JHY: variants seen among roughly 807,000 people sequenced by gnomAD.
JHY encodes jhy protein homolog.
Under a neutral mutation model 78.0 loss-of-function variants are expected in JHY, and 69 were observed. The ratio of observed to expected loss-of-function variants is 0.88; its 90% CI spans 0.73 to 1.08. The LOEUF (loss-of-function observed/expected upper bound fraction) is 1.08, where lower values mean the gene tolerates loss of function less well. Ranked by LOEUF, JHY falls within the 50% of genes least tolerant of loss-of-function variation. The pLI is 0.00. For missense variants in JHY, 944 were observed against 927.8 expected (o/e 1.02, Z -0.23); for synonymous variants, 368 against 342.6 (o/e 1.07, Z -0.82).
chr11:122,959,506 G>A lies in JHY; in HGVS notation c.*61G>A, dbSNP rs7107502. ...AGGAATGAACGTGGAGAAAAGAAAC[G>A]CCAACCACCTTCTCTGCGTTGAGAG... On this transcript the variant is annotated 3_prime_UTR_variant, in exon 9 of 9. Coordinates refer to ENST00000227349, the MANE Select transcript of JHY (RefSeq NM_024806.4). 808,513 of 1,479,990 alleles carry A rather than the reference G, an allele frequency of 0.55. 224,561 individuals carry two copies. Among genetic ancestry groups the A allele is most frequent in the Non-Finnish European group, 0.57 (614,880 of 1,070,466 alleles). The allele number at this position is 1,479,990 out of a possible 1,614,324, so 91.7% of individuals were successfully genotyped here.
rs7937092 is a variant in JHY, at chr11:122,960,908, A to G, written c.*1463A>G. 230,154 of 684,942 alleles carry G rather than the reference A, an allele frequency of 0.34. 43,313 individuals are homozygous for G. The highest frequency in any genetic ancestry group is 0.4 in the Non-Finnish European group (141,544 of 353,524). 42.4% of individuals were successfully genotyped at this position (684,942 alleles called of 1,614,324 possible). A position where few individuals can be genotyped will look rare whatever the true frequency, so the allele number is the denominator to read the frequency against. ...AATGACTGCATAGAGTGTATAAGGA[A>G]GTAAAGAATCGCCTGGACTATCATA... On this transcript the variant is annotated 3_prime_UTR_variant, in exon 9 of 9. Coordinates refer to ENST00000227349, the MANE Select transcript of JHY (RefSeq NM_024806.4).
chr11:122,929,220 C>T (rs575157835), intron 4 of JHY, among the ~76,000 whole-genome samples: 281 of 150,966 alleles, frequency 1.9e-3, no homozygotes, highest in Middle Eastern at 3.4e-3. Flanking sequence ...AGCCACCACG[C>T]CTGGCCAAGG....
In JHY at chr11:122,924,793, C is replaced by T. The variant is rs555474760; in HGVS notation, c.865-104C>T. On this transcript the variant is annotated intron_variant, in intron 3 of 8. Transcript: ENST00000227349. ...TCCTTGAAATTAACTGAAAATAAAA[C>T]CTAGCCCAGCAGGACCGTTTTCTAG... The T allele has an allele frequency of 3.8e-6, 3 of 789,796 alleles. No individual in the cohort carries two copies. In the South Asian group the frequency reaches 5.3e-5, roughly 14 times the overall value. The allele number at this position is 789,796 out of a possible 1,614,324, so 48.9% of individuals were successfully genotyped here. A position where few individuals can be genotyped will look rare whatever the true frequency, so the allele number is the denominator to read the frequency against.
chr11:122,955,942 C>T (rs1864181327), intron 6 of JHY, among the ~76,000 whole-genome samples: 1 of 152,140 alleles, frequency 6.6e-6, no homozygotes, highest in Admixed American at 6.5e-5. Flanking sequence ...GCCCAGTAAA[C>T]TGTCTAAGAC....
At chr11:122,951,617 C>A (rs1864084568) in intron 6 of JHY, among the ~76,000 whole-genome samples, 1 of 152,206 alleles carries the variant, frequency 6.6e-6, no homozygotes, top group South Asian at 2.1e-4. Flanking sequence ...AGGGTACCAC[C>A]TTTCAGAGTT....
chr11:122,909,505 T>C (rs1565315368), intron 3 of JHY, among the ~76,000 whole-genome samples: 1 of 152,136 alleles, frequency 6.6e-6, no homozygotes, highest in East Asian at 1.9e-4. Flanking sequence ...GAAGATTAAA[T>C]AAATGAGTTA....
At chr11:122,887,837 G>A (rs188313560) in intron 2 of JHY, among the ~76,000 whole-genome samples, 1 of 152,140 alleles carries the variant, frequency 6.6e-6, no homozygotes. Context: ...TTATAAGGGG[G>A]CCTTAAAAAT....
chr11:122,902,713 G>A (rs1397470729), intron 2 of JHY, among the ~76,000 whole-genome samples: 1 of 152,056 alleles, frequency 6.6e-6, no homozygotes, highest in Non-Finnish European at 1.5e-5. Context: ...AGAGGGTGGG[G>A]AGCTGCTATG....
intron 2 of JHY, among the ~76,000 whole-genome samples, chr11:122,887,183 A>G (rs1005164181): frequency 1.3e-4 from 20 of 152,344 alleles, no homozygotes; most frequent in Admixed American, 3.3e-4. Flanking sequence ...GCCAAGTCCA[A>G]TTATATTTCT....
chr11:122,912,865 G>A (rs188159563), intron 3 of JHY, among the ~76,000 whole-genome samples: 8 of 151,996 alleles, frequency 5.3e-5, no homozygotes, highest in Non-Finnish European at 7.4e-5. Context: ...TTTCTGCTTC[G>A]GAGGGCTATT....
chr11:122,910,425 G>A (rs1057023678), intron 3 of JHY, among the ~76,000 whole-genome samples: 4 of 151,816 alleles, frequency 2.6e-5, no homozygotes, highest in South Asian at 2.1e-4. Context: ...AGCCAAGATC[G>A]CACCACTGCA....
In JHY at chr11:122,960,109, C is replaced by T. The variant is rs1247383474; in HGVS notation, c.*664C>T. Among the ~76,000 whole-genome samples, 1 of 152,018 alleles carries T rather than the reference C, an allele frequency of 6.6e-6. No individual in the cohort carries two copies. The highest frequency in any genetic ancestry group is 6.6e-5 in the Admixed American group (1 of 15,238). Reference sequence around the variant, plus strand: ...ATTAGCTAGGCGTGGTGGCGCATGTCTATAGTTCCAGGTACTCAGGAGGCT... The same window carrying T: ...ATTAGCTAGGCGTGGTGGCGCATGTTTATAGTTCCAGGTACTCAGGAGGCT... On this transcript the variant is annotated 3_prime_UTR_variant, in exon 9 of 9. Coordinates refer to ENST00000227349, the MANE Select transcript of JHY (RefSeq NM_024806.4).
At position 122,961,085 on chromosome 11, in the gene JHY, G is replaced by A. The variant is rs1306563851; in HGVS notation, c.*1640G>A. 9 of 1,015,172 alleles carry A rather than the reference G, an allele frequency of 8.9e-6. No individual in the cohort carries two copies. In the East Asian group the frequency reaches 1.8e-4, roughly 20 times the overall value. The allele number at this position is 1,015,172 out of a possible 1,614,324, so 62.9% of individuals were successfully genotyped here. A position where few individuals can be genotyped will look rare whatever the true frequency, so the allele number is the denominator to read the frequency against. ...AGAAGACTCATGCACAGCCAGTTAT[G>A]TAAATGTATCTATCCCAATTGAGAG... On this transcript the variant is annotated 3_prime_UTR_variant, in exon 9 of 9. Coordinates refer to ENST00000227349, the MANE Select transcript of JHY (RefSeq NM_024806.4).
rs768190302 is a variant in JHY at position 122,904,288 on chromosome 11, C to A, written c.708C>A (p.Asn236Lys). 2.6e-5 allele frequency: 42 copies of A among 1,614,122 alleles called. 1 individual carries two copies. The South Asian group carries it at 3.7e-4, about 14-fold the overall frequency. ...SPYVKSSSSH[N>K]EVFLPGSRGP... ...ACGTGAAGAGCTCAAGTTCACATAACGAGGTTTTCCTGCCGGGATCACGTG... is the reference window on the plus strand; with the variant it reads ...ACGTGAAGAGCTCAAGTTCACATAAAGAGGTTTTCCTGCCGGGATCACGTG... The change falls in exon 3 of 9, where the codon AAC (asparagine) becomes AAA (lysine). Residue 236 changes from asparagine to lysine, a missense_variant. Asn to Lys is a moderately conservative substitution (Grantham distance 94). Coordinates refer to ENST00000227349, the MANE Select transcript of JHY (RefSeq NM_024806.4).
chr11:122,890,781 A>G (rs1226479059), intron 2 of JHY, among the ~76,000 whole-genome samples: 4 of 152,164 alleles, frequency 2.6e-5, no homozygotes, highest in African/African-American at 9.7e-5. Context: ...TTTTCCTCAG[A>G]TTGATTTGCC....
At position 122,963,634 on chromosome 11, in the gene JHY, A is replaced by T. The variant is rs769826685; in HGVS notation, c.*4189A>T. 2.0e-5 allele frequency among the ~76,000 whole-genome samples: 3 copies of T among 152,184 alleles called. No individual in the cohort carries two copies. The highest frequency in any genetic ancestry group is 2.9e-5 in the Non-Finnish European group (2 of 68,016). On this transcript the variant is annotated 3_prime_UTR_variant, in exon 9 of 9. Transcript: ENST00000227349. Reference sequence around the variant, plus strand: ...AATTGTACTAATGACAACAATAGTGATCTTTTATAGGCCCAAGTTGGATCA... The same window carrying T: ...AATTGTACTAATGACAACAATAGTGTTCTTTTATAGGCCCAAGTTGGATCA...
chr11:122,942,915 C>T, intron 5 of JHY, among the ~76,000 whole-genome samples: 1 of 152,106 alleles, frequency 6.6e-6, no homozygotes, highest in East Asian at 1.9e-4. Context: ...CACCATGTTG[C>T]CCAGGCTGGA....
In JHY at chr11:122,934,676, A is replaced by G. The variant is rs1267657599; in HGVS notation, c.1235A>G (p.Glu412Gly). The change falls in exon 5 of 9, where the codon GAA (glutamate) becomes GGA (glycine). Residue 412 changes from glutamate (E) to glycine (G), a missense_variant. Glu to Gly is a moderately conservative substitution (Grantham distance 98, BLOSUM62 -2). Transcript: ENST00000227349. ...NKPLDTSTKP[E>G]SIVIMHASNN... ...CCTCTTGATACTTCAACAAAGCCTG[A>G]ATCGATTGTGATTATGCATGCCTCT... 6.2e-7 allele frequency: 1 copy of G among 1,614,190 alleles called. No homozygotes were observed. Among genetic ancestry groups the G allele is most frequent in the Admixed American group, 1.7e-5 (1 of 60,026 alleles).
Position 122,920,316 on chromosome 11 carries a change from ATTTGGATATGTGC to A in JHY, c.865-4579_865-4567del, listed in dbSNP as rs958557297. Among the ~76,000 whole-genome samples the A allele has an allele frequency of 3.9e-5, 6 of 152,376 alleles. No homozygotes were observed. The East Asian group carries it at 9.6e-4, about 24-fold the overall frequency. On this transcript the variant is annotated intron_variant, in intron 3 of 8. Transcript: ENST00000227349. ...CTACTTAAAAAATCAACTCTATTTA[ATTTGGATATGTGC>A]TAGTTGTCAATACTATCAAAGAATG...
Sources: allele counts gnomAD v4.1 joint callset (sites outside exome capture counted in the v4.1 genomes callset), GRCh38; gene constraint gnomAD v4.1.1; transcripts MANE v1.5; gene names NCBI Gene and HGNC (gene_info 2026-07-23, HGNC 2026-07-21).